WDR45: variants seen among roughly 807,000 people sequenced by gnomAD.
WDR45 encodes the protein WD repeat domain 45.
In WDR45, 2 loss-of-function variants were observed where a neutral mutation model predicts 27.3. The observed-to-expected ratio is 0.07, with a 90% CI of 0.03 to 0.23. The LOEUF (loss-of-function observed/expected upper bound fraction) is 0.23. Among genes scored for constraint, WDR45 ranks in the 10% least tolerant of loss-of-function variants. WDR45 has a pLI of 1.00. For missense variants in WDR45, 175 were observed against 311.9 expected, an observed-to-expected ratio of 0.56 and a Z score of 3.31; for synonymous variants, 99 against 119.2, an observed-to-expected ratio of 0.83 and a Z score of 1.11.
At chrX:49,082,833 C>T (rs1191615141), upstream of WDR45, among the ~76,000 whole-genome samples, 1 of 110,540 alleles carries the variant, frequency 9.0e-6, no homozygotes, top group Non-Finnish European at 1.9e-5. Flanking sequence ...CCTGCCTTAG[C>T]CTCCTGAGTA....
At chrX:49,083,746 A>C (rs2065077269), upstream of WDR45, among the ~76,000 whole-genome samples, 1 of 108,802 alleles carries the variant, frequency 9.2e-6, no homozygotes, top group Non-Finnish European at 1.9e-5. Context: ...TCAGGAGTTG[A>C]GACCAGCCTG....
chrX:49,075,835 C>T (rs201936172), intron 7 of WDR45, 31 bp downstream of exon 7: 1 of 1,205,511 alleles, frequency 8.3e-7, no homozygotes. Context: ...AGTCCACCAA[C>T]CTACCCACCC....
At chrX:49,091,897 G>A (rs1366334378) in intron 2 of WDR45, among the ~76,000 whole-genome samples, 2 of 107,437 alleles carry the variant, frequency 1.9e-5, no homozygotes, top group Non-Finnish European at 3.9e-5. Context: ...TTGGGAGGCT[G>A]AGGCGGGTGG....
chrX:49,096,690 T>C (rs189519999), intron 2 of WDR45, among the ~76,000 whole-genome samples: 43 of 112,681 alleles, frequency 3.8e-4, no homozygotes, highest in African/African-American at 1.3e-3. Flanking sequence ...GTAATCCTCC[T>C]GCCTCAGCCT....
intron 2 of WDR45, among the ~76,000 whole-genome samples, chrX:49,094,372 G>T (rs2065117796): frequency 9.0e-6 from 1 of 111,060 alleles, no homozygotes; most frequent in African/African-American, 3.3e-5. Flanking sequence ...AGGAGGCTGA[G>T]ACATGAGAAT....
intron 2 of WDR45, among the ~76,000 whole-genome samples, chrX:49,099,217 G>T (rs1440128324): frequency 9.1e-6 from 1 of 109,417 alleles, no homozygotes; most frequent in Admixed American, 9.9e-5. Flanking sequence ...CCAGCTACTC[G>T]GGAAGCTGAG....
At chrX:49,090,072 G>GT (rs59319787) in intron 2 of WDR45, among the ~76,000 whole-genome samples, 4,145 of 104,220 alleles carry the variant, frequency 0.04, 199 homozygotes, top group African/African-American at 0.12. Context: ...AGGAATAAAG[G>GT]TTTTTTTTTT....
intron 2 of WDR45, among the ~76,000 whole-genome samples, chrX:49,093,990 C>T (rs2147828097): frequency 9.1e-6 from 1 of 110,041 alleles, no homozygotes; most frequent in African/African-American, 3.3e-5. Context: ...TACAGGCACA[C>T]ACCACCATGC....
chrX:49,090,417 G>A (rs2065100374), intron 2 of WDR45, among the ~76,000 whole-genome samples: 1 of 111,853 alleles, frequency 8.9e-6, no homozygotes. Flanking sequence ...TCTTGTGAAT[G>A]TACTAAAAAC....
In WDR45 at chrX:49,099,775, T is replaced by A. The variant is rs1323436725; in HGVS notation, c.-18+430A>T. On this transcript the variant is annotated intron_variant, in intron 2 of 11. Coordinates refer to the WDR45 transcript ENST00000356463. Reference sequence around the variant, plus strand: ...TAGCCTGGGCGACAGAGCGAGACTATGTCTCAAAAAAAAAAAAACAAAAAA... The same window carrying A: ...TAGCCTGGGCGACAGAGCGAGACTAAGTCTCAAAAAAAAAAAAACAAAAAA... Among the ~76,000 whole-genome samples, 16 of 102,965 alleles carry A rather than the reference T, an allele frequency of 1.6e-4. 1 individual carries two copies. The Admixed American group carries it at 1.6e-3, about 11-fold the overall frequency. The allele number at this position is 102,965 out of a possible 115,157, so 89.4% of individuals were successfully genotyped here.
At chrX:49,076,598 T>G (rs2065039294) in intron 5 of WDR45, 47 bp downstream of exon 5, 24 of 1,200,308 alleles carry the variant, frequency 2.0e-5, no homozygotes, top group Non-Finnish European at 2.6e-5. Flanking sequence ...CCCTCTCACT[T>G]ACTGTGGGGA....
rs782605193 is a variant in WDR45 at position 49,095,967 on chromosome X, C to G, written c.-18+4238G>C. On this transcript the variant is annotated intron_variant, in intron 2 of 11. Coordinates refer to the WDR45 transcript ENST00000356463. ...TTTTTTTTTAGTAGAGATAGGGTTTCAATAAGTTGGCCAGGCTGGTCTTGA... is the reference window on the plus strand; with the variant it reads ...TTTTTTTTTAGTAGAGATAGGGTTTGAATAAGTTGGCCAGGCTGGTCTTGA... Among the ~76,000 whole-genome samples, 598 of 105,564 alleles carry G rather than the reference C, an allele frequency of 5.7e-3. 8 individuals carry two copies. The highest frequency in any genetic ancestry group is 0.019 in the African/African-American group (557 of 29,000). The allele number at this position is 105,564 out of a possible 115,157, so 91.7% of individuals were successfully genotyped here.
upstream of WDR45, among the ~76,000 whole-genome samples, chrX:49,082,838 T>G (rs1430815502): frequency 9.1e-6 from 1 of 110,076 alleles, no homozygotes; most frequent in Non-Finnish European, 1.9e-5. Context: ...CTTAGCCTCC[T>G]GAGTAACTGA....
At chrX:49,091,622 G>A (rs1206311873) in intron 2 of WDR45, among the ~76,000 whole-genome samples, 2 of 99,548 alleles carry the variant, frequency 2.0e-5, no homozygotes, top group Non-Finnish European at 4.1e-5. Context: ...GGTGGCGGGC[G>A]CCTGTAGTCC....
At chrX:49,101,163 G>A (rs1213658374), upstream of WDR45, 1 of 112,538 alleles carries the variant, frequency 8.9e-6, no homozygotes, top group Non-Finnish European at 1.9e-5. Flanking sequence ...CGGAGCCCAG[G>A]CACTGAATGG....
chrX:49,074,707 A>G lies in WDR45; in HGVS notation c.*96T>C. 2.9e-6 allele frequency: 2 copies of G among 697,126 alleles called. No individual in the cohort carries two copies. The highest frequency in any genetic ancestry group is 4.5e-6 in the Non-Finnish European group (2 of 441,657). The allele number at this position is 697,126 out of a possible 1,213,427, so 57.5% of individuals were successfully genotyped here. The stretch of plus-strand genomic sequence containing the variant: ...TGGAAAGTGGGCACCAGCCCCATTA[A>G]TGCTTGCTGGCTGGTGGCTTCCAAG... On this transcript the variant is annotated 3_prime_UTR_variant, in exon 11 of 11. Coordinates refer to ENST00000376372, the MANE Select transcript of WDR45 (RefSeq NM_001029896.2).
chrX:49,090,970 G>A (rs2065102752), intron 2 of WDR45, among the ~76,000 whole-genome samples: 1 of 110,883 alleles, frequency 9.0e-6, no homozygotes, highest in South Asian at 3.8e-4. Context: ...AGTGGCGCCC[G>A]CCACCATGCC....
At chrX:49,079,013 C>G (rs2065054167) in intron 1 of WDR45, 1 of 111,609 alleles carries the variant, frequency 9.0e-6, no homozygotes, top group Middle Eastern at 4.3e-3. Context: ...ACCGGCTTCC[C>G]CAAACTCCTT....
intron 2 of WDR45, among the ~76,000 whole-genome samples, chrX:49,093,842 G>A (rs782788034): frequency 1.4e-4 from 15 of 106,360 alleles, no homozygotes; most frequent in Non-Finnish European, 2.7e-4. Context: ...TGCCTGGCCC[G>A]GGGTGTCTTT....
Sources: allele counts gnomAD v4.1 joint callset (sites outside exome capture counted in the v4.1 genomes callset), GRCh38; gene constraint gnomAD v4.1.1; transcripts MANE v1.5; gene names NCBI Gene and HGNC (gene_info 2026-07-23, HGNC 2026-07-21).